CACNA2D3: variants seen among roughly 807,000 people sequenced by gnomAD.
CACNA2D3 encodes voltage-dependent calcium channel subunit alpha-2/delta-3.
CACNA2D3 carries 60 observed loss-of-function variants against 160.6 expected under a neutral mutation model. The observed-to-expected ratio is 0.37, with a 90% CI of 0.30 to 0.46. The LOEUF (loss-of-function observed/expected upper bound fraction) is 0.46. Among genes scored for constraint, CACNA2D3 ranks in the 20% least tolerant of loss-of-function variants. The pLI, the probability that CACNA2D3 is intolerant of heterozygous loss-of-function variation, is 1.00. For synonymous variants in CACNA2D3, 558 were observed against 492.9 expected, an observed-to-expected ratio of 1.13 and a Z score of -1.75; for missense variants, 1,205 against 1,365.0, an observed-to-expected ratio of 0.88 and a Z score of 1.85.
intron 5 of CACNA2D3, among the ~76,000 whole-genome samples, chr3:54,539,410 G>A (rs2106658868): frequency 6.6e-6 from 1 of 152,316 alleles, no homozygotes; most frequent in South Asian, 2.1e-4. Flanking sequence ...ACAGTTAATG[G>A]TGCCTTGCCC....
At chr3:54,797,891 A>T (rs947584734) in intron 13 of CACNA2D3, among the ~76,000 whole-genome samples, 1 of 152,228 alleles carries the variant, frequency 6.6e-6, no homozygotes, top group Non-Finnish European at 1.5e-5. Flanking sequence ...ATTATTGTTA[A>T]GTAAAAATAA....
intron 17 of CACNA2D3, among the ~76,000 whole-genome samples, chr3:54,853,233 C>T (rs1446137068): frequency 6.6e-6 from 1 of 152,100 alleles, no homozygotes; most frequent in African/African-American, 2.4e-5. Context: ...TGAATCACCA[C>T]TCTTGGAAAA....
intron 18 of CACNA2D3, chr3:54,878,702 C>T (rs1191413691): frequency 2.7e-5 from 6 of 224,866 alleles, no homozygotes; most frequent in South Asian, 3.6e-4. Flanking sequence ...TCCCCAGAGA[C>T]GTTCTTGCTC....
intron 2 of CACNA2D3, among the ~76,000 whole-genome samples, chr3:54,265,530 ATGTGTGTG>A (rs59375998): frequency 8.2e-5 from 11 of 134,852 alleles, no homozygotes; most frequent in African/African-American, 1.2e-4. Context: ...AACTTAAAGT[ATGTGTGTG>A]TGTGTGTGTG....
At chr3:54,196,642 ATATT>A (rs766322803) in intron 2 of CACNA2D3, among the ~76,000 whole-genome samples, 10 of 152,216 alleles carry the variant, frequency 6.6e-5, no homozygotes, top group Non-Finnish European at 1.3e-4. Context: ...CAAGTTATGA[ATATT>A]TATGTTTCAG....
At chr3:54,974,779 T>C (rs542729089) in intron 29 of CACNA2D3, among the ~76,000 whole-genome samples, 17 of 152,332 alleles carry the variant, frequency 1.1e-4, no homozygotes, top group Non-Finnish European at 1.2e-4. Flanking sequence ...AGTAGGTGCT[T>C]ACAAGTGTCT....
intron 3 of CACNA2D3, among the ~76,000 whole-genome samples, chr3:54,347,582 G>C (rs760052552): frequency 3.3e-5 from 5 of 151,930 alleles, no homozygotes; most frequent in African/African-American, 4.8e-5. Context: ...TTAAACATCA[G>C]ATGTTTGTGG....
chr3:54,207,855 A>G (rs4928009), intron 2 of CACNA2D3, among the ~76,000 whole-genome samples: 1 of 151,836 alleles, frequency 6.6e-6, no homozygotes, highest in Non-Finnish European at 1.5e-5. Context: ...TGGATTAGCT[A>G]TCTCGGTGCA....
At chr3:54,735,705 A>G (rs1469472937) in intron 11 of CACNA2D3, among the ~76,000 whole-genome samples, 2 of 152,088 alleles carry the variant, frequency 1.3e-5, no homozygotes, top group African/African-American at 2.4e-5. Flanking sequence ...TATCATCTAT[A>G]TGGAGTTGGG....
intron 11 of CACNA2D3, among the ~76,000 whole-genome samples, chr3:54,685,434 G>A (rs1242696247): frequency 2.0e-5 from 3 of 152,182 alleles, no homozygotes. Flanking sequence ...AACTGGCAGT[G>A]GGCCAGATTT....
At chr3:54,538,917 G>A (rs964814943) in intron 5 of CACNA2D3, among the ~76,000 whole-genome samples, 1 of 152,298 alleles carries the variant, frequency 6.6e-6, no homozygotes, top group East Asian at 1.9e-4. Flanking sequence ...GTTGGTTTCT[G>A]TCAATAAAAT....
At chr3:54,234,785 ACTTATAAG>A (rs1383160893) in intron 2 of CACNA2D3, among the ~76,000 whole-genome samples, 2 of 152,178 alleles carry the variant, frequency 1.3e-5, no homozygotes, top group Non-Finnish European at 2.9e-5. Flanking sequence ...ACATGTTCTC[ACTTATAAG>A]TGGGAGCTAA....
intron 2 of CACNA2D3, among the ~76,000 whole-genome samples, chr3:54,138,883 T>C (rs970542492): frequency 5.9e-5 from 9 of 152,264 alleles, no homozygotes; most frequent in Admixed American, 2.0e-4. Context: ...ACCTCCTCCT[T>C]AGGATTTCTC....
chr3:54,907,765 G>A (rs192725103), intron 27 of CACNA2D3, among the ~76,000 whole-genome samples: 64 of 152,206 alleles, frequency 4.2e-4, no homozygotes, highest in Middle Eastern at 3.4e-3. Flanking sequence ...GAAACCACTC[G>A]TGTGCTTTCT....
At chr3:54,243,157 C>T (rs943901226) in intron 2 of CACNA2D3, among the ~76,000 whole-genome samples, 1 of 152,206 alleles carries the variant, frequency 6.6e-6, no homozygotes, top group African/African-American at 2.4e-5. Flanking sequence ...TCCAGCTCCC[C>T]TGTGCATTTC....
intron 5 of CACNA2D3, among the ~76,000 whole-genome samples, chr3:54,519,296 G>T (rs1393951293): frequency 6.6e-6 from 1 of 152,170 alleles, no homozygotes; most frequent in Non-Finnish European, 1.5e-5. Context: ...AGCAAGGCAG[G>T]GGCTGTAAGA....
chr3:54,846,517 AT>A, intron 17 of CACNA2D3, 50 bp downstream of exon 17: 2 of 1,190,036 alleles, frequency 1.7e-6, no homozygotes, highest in Non-Finnish European at 2.4e-6. Context: ...ATTTTAAAAG[AT>A]TTCCTTCAAT....
chr3:54,409,901 A>G (rs1699637318), intron 4 of CACNA2D3, among the ~76,000 whole-genome samples: 1 of 152,250 alleles, frequency 6.6e-6, no homozygotes, highest in Non-Finnish European at 1.5e-5. Flanking sequence ...ATAAAAGTGC[A>G]AGGTGAAGCA....
intron 2 of CACNA2D3, among the ~76,000 whole-genome samples, chr3:54,244,549 T>C (rs886674290): frequency 6.6e-6 from 1 of 152,142 alleles, no homozygotes; most frequent in African/African-American, 2.4e-5. Flanking sequence ...TCTGGGGTAA[T>C]GCCTGGCTCA....
Sources: gnomAD v4.1 joint callset for allele counts (sites outside exome capture counted in the v4.1 genomes callset) on GRCh38, gnomAD v4.1.1 for gene constraint, MANE v1.5 for transcripts, NCBI Gene and HGNC (gene_info 2026-07-23, HGNC 2026-07-21) for gene names.